Variants in CSGALNACT1 observed in about 807,000 individuals in gnomAD.
CSGALNACT1 encodes the protein chondroitin sulfate N-acetylgalactosaminyltransferase 1.
A neutral mutation model predicts 51.0 loss-of-function variants in CSGALNACT1; 52 were observed. The ratio of observed to expected loss-of-function variants is 1.02; its 90% CI spans 0.82 to 1.29. The LOEUF is 1.29. Ranked by LOEUF, CSGALNACT1 falls within the 50% of genes most tolerant of loss-of-function variation. The pLI is 0.00. For missense variants in CSGALNACT1, 935 were observed against 679.2 expected, an observed-to-expected ratio of 1.38 and a Z score of -4.19; for synonymous variants, 341 against 254.4, an observed-to-expected ratio of 1.34 and a Z score of -3.24.
intron 6 of CSGALNACT1, among the ~76,000 whole-genome samples, chr8:19,424,632 T>A (rs187506178): frequency 6.6e-6 from 1 of 152,182 alleles, no homozygotes. Flanking sequence ...TGAGGAGGAA[T>A]TGGCTTCTTC....
chr8:19,678,022 G>A (rs1166159030), intron 1 of CSGALNACT1, among the ~76,000 whole-genome samples: 1 of 151,988 alleles, frequency 6.6e-6, no homozygotes. Flanking sequence ...AGGCTGACAT[G>A]CTTGAGCCCA....
chr8:19,536,849 T>C (rs920897616), intron 3 of CSGALNACT1, among the ~76,000 whole-genome samples: 1 of 152,078 alleles, frequency 6.6e-6, no homozygotes, highest in African/African-American at 2.4e-5. Flanking sequence ...AACCCAGAAA[T>C]AGGTACAACT....
chr8:19,594,882 G>C lies in CSGALNACT1; in HGVS notation c.-415-3604C>G, dbSNP rs535471455. 1.2e-4 allele frequency among the ~76,000 whole-genome samples: 18 copies of C among 152,174 alleles called. No homozygotes were observed. The South Asian group carries it at 1.5e-3, about 12-fold the overall frequency. On this transcript the variant is annotated intron_variant, in intron 2 of 9. Coordinates refer to ENST00000454498, the Ensembl canonical transcript of CSGALNACT1. ...TTTTAATTCAATCCATTTTCCTACT[G>C]TCAGGACCTTTACTCCTTTTATATA...
intron 3 of CSGALNACT1, among the ~76,000 whole-genome samples, chr8:19,580,401 C>G (rs966941150): frequency 2.6e-5 from 4 of 152,210 alleles, no homozygotes; most frequent in Non-Finnish European, 4.4e-5. Flanking sequence ...CTAGTATGGA[C>G]AGAGTCCTGG....
chr8:19,461,520 C>T (rs74440018), intron 4 of CSGALNACT1, among the ~76,000 whole-genome samples: 40,371 of 119,968 alleles, frequency 0.34, 4,093 homozygotes, highest in East Asian at 0.63. Context: ...CCATGGGGGG[C>T]GTATCCGCAC....
At chr8:19,505,581 T>A (rs1394123119) in exon 4 of CSGALNACT1, 17 of 1,613,872 alleles carry the variant, frequency 1.1e-5, no homozygotes, top group Non-Finnish European at 1.4e-5. Context: ...CTCCTGCAGC[T>A]CCTCCTTGAG....
intron 3 of CSGALNACT1, among the ~76,000 whole-genome samples, chr8:19,561,014 T>C (rs1289534383): frequency 6.6e-6 from 1 of 152,076 alleles, no homozygotes; most frequent in African/African-American, 2.4e-5. Flanking sequence ...AAACCTAATA[T>C]AGAACAAAGC....
chr8:19,544,867 TC>T (rs538246704), intron 3 of CSGALNACT1, among the ~76,000 whole-genome samples: 30 of 152,200 alleles, frequency 2.0e-4, no homozygotes, highest in African/African-American at 7.0e-4. Context: ...TAAAAAAAGT[TC>T]CCCAAGAAGA....
chr8:19,528,245 AT>A (rs945214361), intron 3 of CSGALNACT1, among the ~76,000 whole-genome samples: 6 of 151,186 alleles, frequency 4.0e-5, no homozygotes, highest in Admixed American at 1.3e-4. Context: ...CCCGAACACC[AT>A]TTTCCGACTC....
intron 4 of CSGALNACT1, among the ~76,000 whole-genome samples, chr8:19,472,979 A>G (rs952679279): frequency 6.6e-6 from 1 of 152,224 alleles, no homozygotes; most frequent in Non-Finnish European, 1.5e-5. Flanking sequence ...TGTTCTTACT[A>G]TTATTATCAT....
chr8:19,513,462 A>ATATATATATATATATATATT (rs1226907527), intron 3 of CSGALNACT1, among the ~76,000 whole-genome samples: 1 of 140,250 alleles, frequency 7.1e-6, no homozygotes, highest in African/African-American at 2.7e-5. Flanking sequence ...ATATATATAT[A>ATATATATATATATATATATT]TTTTGTGCCA....
intron 4 of CSGALNACT1, among the ~76,000 whole-genome samples, chr8:19,474,696 C>A (rs1384195935): frequency 1.3e-5 from 2 of 151,684 alleles, no homozygotes; most frequent in African/African-American, 4.8e-5. Context: ...TGGCAAAACC[C>A]CGTCTTTACT....
rs767072242 is a variant in CSGALNACT1 at position 19,668,033 on chromosome 8, T to TA, written c.-544+14439dup. On this transcript the variant is annotated intron_variant, in intron 1 of 9. Coordinates refer to the CSGALNACT1 transcript ENST00000332246. ...TAGAAGAAGCTAGAAAGTAAGAATA[T>TA]AAAAACTTGACCAGCATATATTACA... 2.8e-4 allele frequency among the ~76,000 whole-genome samples: 43 copies of TA among 152,262 alleles called. No individual in the cohort carries two copies. In the East Asian group the frequency reaches 6.4e-3, roughly 23 times the overall value.
At chr8:19,682,387 G>C in intron 1 of CSGALNACT1, 1 of 323,090 alleles carries the variant, frequency 3.1e-6, no homozygotes, top group Non-Finnish European at 6.1e-6. Context: ...TTCTTAATTA[G>C]AAACAAAACA....
At chr8:19,694,459 A>G (rs1354271515) in intron 1 of CSGALNACT1, among the ~76,000 whole-genome samples, 1 of 152,264 alleles carries the variant, frequency 6.6e-6, no homozygotes. Context: ...TCAAAAAGTT[A>G]AAAAGTTAAA....
intron 3 of CSGALNACT1, among the ~76,000 whole-genome samples, chr8:19,563,255 C>G (rs1167867018): frequency 6.6e-6 from 1 of 151,962 alleles, no homozygotes; most frequent in East Asian, 1.9e-4. Context: ...GGGAGGGGAA[C>G]GACACACAAT....
At chr8:19,637,771 G>A (rs559580200) in intron 1 of CSGALNACT1, among the ~76,000 whole-genome samples, 1 of 151,750 alleles carries the variant, frequency 6.6e-6, no homozygotes, top group Non-Finnish European at 1.5e-5. Flanking sequence ...ATTCGTAACT[G>A]ACAAGGGAAA....
Position 19,481,562 on chromosome 8 carries a change from G to A in CSGALNACT1, c.635-22920C>T, listed in dbSNP as rs565319691. On this transcript the variant is annotated intron_variant, in intron 4 of 9. Transcript: ENST00000454498. ...CTCTTGAGCTCAAAATCACAGTGGG[G>A]ACACACTTAAGAACACCCTAGAACC... is the stretch of plus-strand genomic sequence containing the variant. Among the ~76,000 whole-genome samples the A allele has an allele frequency of 4.2e-4, 64 of 152,162 alleles. No individual in the cohort carries two copies. The South Asian group carries it at 0.011, about 27-fold the overall frequency.
upstream of CSGALNACT1, among the ~76,000 whole-genome samples, chr8:19,603,316 T>C (rs546944342): frequency 2.6e-5 from 4 of 152,224 alleles, no homozygotes; most frequent in Admixed American, 1.3e-4. Flanking sequence ...TGTATCACTA[T>C]AGAGGTTTAG....
Sources: gnomAD v4.1 joint callset for allele counts (sites outside exome capture counted in the v4.1 genomes callset) on GRCh38, gnomAD v4.1.1 for gene constraint, MANE v1.5 for transcripts, NCBI Gene and HGNC (gene_info 2026-07-23, HGNC 2026-07-21) for gene names.